Variants in CLPX observed in about 807,000 individuals in gnomAD.
CLPX encodes ATP-dependent clpX-like chaperone, mitochondrial.
A neutral mutation model predicts 76.4 loss-of-function variants in CLPX; 34 were observed. That is an observed-to-expected ratio of 0.45 (90% CI 0.34 to 0.59). The LOEUF is 0.59. CLPX is among the 20% of genes least tolerant of loss of function. CLPX has a pLI of 0.01. For missense variants in CLPX, 613 were observed against 757.0 expected (o/e 0.81, Z 2.23); for synonymous variants, 248 against 270.9 (o/e 0.92, Z 0.83).
At chr15:65,160,102 C>T (rs1595938677) in intron 6 of CLPX, among the ~76,000 whole-genome samples, 1 of 152,150 alleles carries the variant, frequency 6.6e-6, no homozygotes, top group African/African-American at 2.4e-5. Context: ...CATGAGACAC[C>T]GCGCCTGGCC....
intron 2 of CLPX, among the ~76,000 whole-genome samples, 187 bp from the exon 3 acceptor site, chr15:65,179,238 G>T (rs1030977935): frequency 6.6e-6 from 1 of 152,084 alleles, no homozygotes; most frequent in Non-Finnish European, 1.5e-5. Context: ...AATCAAATCA[G>T]TTCTAGTAAA....
At chr15:65,166,507 C>A in intron 4 of CLPX, 124 bp downstream of exon 4, 1 of 1,010,034 alleles carries the variant, frequency 9.9e-7, no homozygotes, top group Admixed American at 2.4e-5. Flanking sequence ...ACATATGGTC[C>A]ATATTATGAA....
chr15:65,154,684 A>G, intron 11 of CLPX, 98 bp downstream of exon 11: 1 of 857,948 alleles, frequency 1.2e-6, no homozygotes, highest in African/African-American at 1.7e-5. Flanking sequence ...CTGGTATTCT[A>G]GATGAGCAGA....
At chr15:65,162,261 C>CA (rs939902581) in intron 6 of CLPX, among the ~76,000 whole-genome samples, 42 of 151,538 alleles carry the variant, frequency 2.8e-4, no homozygotes, top group South Asian at 8.3e-4. Context: ...TTCATAAATA[C>CA]AAAAAAAACC....
intron 7 of CLPX, chr15:65,158,292 G>A (rs766067425): frequency 8.3e-5 from 28 of 337,428 alleles, no homozygotes; most frequent in Middle Eastern, 8.2e-4. Flanking sequence ...AAAATGCTGG[G>A]ATTACAGGTG....
chr15:65,161,309 G>A (rs1345675719), intron 6 of CLPX, among the ~76,000 whole-genome samples: 1 of 152,118 alleles, frequency 6.6e-6, no homozygotes, highest in Admixed American at 6.6e-5. Context: ...TCTAAAATTT[G>A]ACTTCCAAAG....
At chr15:65,179,862 G>T (rs988918702) in intron 2 of CLPX, among the ~76,000 whole-genome samples, 182 bp downstream of exon 2, 1 of 152,150 alleles carries the variant, frequency 6.6e-6, no homozygotes, top group Non-Finnish European at 1.5e-5. Flanking sequence ...TATGTGCAAT[G>T]CTTATAAAAG....
intron 12 of CLPX, among the ~76,000 whole-genome samples, chr15:65,152,894 G>C (rs1252906753): frequency 6.6e-6 from 1 of 150,786 alleles, no homozygotes; most frequent in Non-Finnish European, 1.5e-5. Context: ...ACCATGCCCA[G>C]CCTCTTTTTT....
Position 65,149,583 on chromosome 15 carries a change from CG to C in CLPX, c.*1239del, listed in dbSNP as rs1448179849. On this transcript the variant is annotated 3_prime_UTR_variant, in exon 14 of 14. Transcript: ENST00000300107. Reference sequence around the variant, plus strand: ...ATGGATTAAAGATGGTAAATAAGGCCGGGTGTGGTGGCTTACGCCTGCAATC... The same window carrying C: ...ATGGATTAAAGATGGTAAATAAGGCCGGTGTGGTGGCTTACGCCTGCAATC... The C allele has an allele frequency of 2.2e-6, 1 of 453,138 alleles. No individual in the cohort carries two copies. The highest frequency in any genetic ancestry group is 2.0e-5 in the African/African-American group (1 of 49,820). 28.1% of individuals were successfully genotyped at this position (453,138 alleles called of 1,614,324 possible).
intron 13 of CLPX, among the ~76,000 whole-genome samples, chr15:65,152,162 T>A (rs2087729245): frequency 6.6e-6 from 1 of 152,130 alleles, no homozygotes; most frequent in South Asian, 2.1e-4. Flanking sequence ...TCTCTTGACC[T>A]CGTGATCCGC....
At chr15:65,161,981 A>G (rs2087861260) in intron 6 of CLPX, among the ~76,000 whole-genome samples, 1 of 152,178 alleles carries the variant, frequency 6.6e-6, no homozygotes. Flanking sequence ...CAAATGTAAA[A>G]ACATCAAACT....
At chr15:65,171,433 C>A (rs1198180500) in intron 3 of CLPX, among the ~76,000 whole-genome samples, 1 of 149,224 alleles carries the variant, frequency 6.7e-6, no homozygotes, top group Non-Finnish European at 1.5e-5. Flanking sequence ...GGCAATAGAG[C>A]GAGACTCAGT....
chr15:65,178,137 C>G (rs2088113855), intron 3 of CLPX, among the ~76,000 whole-genome samples: 2 of 152,140 alleles, frequency 1.3e-5, no homozygotes, highest in African/African-American at 4.8e-5. Context: ...TAATAATTAT[C>G]AGATGCTTCC....
intron 3 of CLPX, among the ~76,000 whole-genome samples, chr15:65,173,705 A>G (rs2088045723): frequency 6.6e-6 from 1 of 152,252 alleles, no homozygotes; most frequent in Non-Finnish European, 1.5e-5. Context: ...ATAAAAAGCA[A>G]TGAAATACTG....
rs1204212863 is a variant in CLPX at position 65,169,758 on chromosome 15, C to CTT, written c.359-2975_359-2974dup. Among the ~76,000 whole-genome samples, 253 of 143,088 alleles carry CTT rather than the reference C, an allele frequency of 1.8e-3. 2 individuals carry two copies. The highest frequency in any genetic ancestry group is 5.6e-3 in the African/African-American group (221 of 39,224). The allele number at this position is 143,088 out of a possible 152,430, so 93.9% of individuals were successfully genotyped here. ...GGATGTAGATATATGGATATATTTACTTTTTTTTTTTTTTGAGACAGAGTT... is the reference window on the plus strand; with the variant it reads ...GGATGTAGATATATGGATATATTTACTTTTTTTTTTTTTTTTGAGACAGAGTT... On this transcript the variant is annotated intron_variant, in intron 3 of 13. Coordinates refer to ENST00000300107, the MANE Select transcript of CLPX (RefSeq NM_006660.5).
intron 1 of CLPX, among the ~76,000 whole-genome samples, chr15:65,183,865 G>C (rs924726662): frequency 1.5e-4 from 23 of 152,136 alleles, no homozygotes; most frequent in African/African-American, 2.9e-4. Context: ...GTGGACCCTT[G>C]ACAAATATTA....
Position 65,162,793 on chromosome 15 carries a change from A to G in CLPX, c.674-148T>C, listed in dbSNP as rs571896452. The stretch of plus-strand genomic sequence containing the variant: ...TTCATATATGCTATATCTTTTCTAT[A>G]TTAAAACAAAACCATGCATAAAGAC... On this transcript the variant is annotated intron_variant, in intron 5 of 13. Coordinates refer to ENST00000300107, the MANE Select transcript of CLPX (RefSeq NM_006660.5). 193 of 547,538 alleles carry G rather than the reference A, an allele frequency of 3.5e-4. 2 individuals are homozygous for G. The highest frequency in any genetic ancestry group is 6.5e-5 in the Non-Finnish European group (20 of 310,048). 33.9% of individuals were successfully genotyped at this position (547,538 alleles called of 1,614,324 possible).
At chr15:65,182,118 CAAAA>C (rs540972406) in intron 1 of CLPX, among the ~76,000 whole-genome samples, 3 of 69,206 alleles carry the variant, frequency 4.3e-5, no homozygotes, top group Non-Finnish European at 3.1e-5. Flanking sequence ...GTCTCCGTCT[CAAAA>C]AAAAAAAAAA....
At chr15:65,153,469 A>G in intron 12 of CLPX, 78 bp downstream of exon 12, 1 of 917,464 alleles carries the variant, frequency 1.1e-6, no homozygotes, top group Non-Finnish European at 1.7e-6. Context: ...ATATTTTCCA[A>G]AAGAAAAACA....
Sources: gnomAD v4.1 joint callset for allele counts (sites outside exome capture counted in the v4.1 genomes callset) on GRCh38, gnomAD v4.1.1 for gene constraint, MANE v1.5 for transcripts, NCBI Gene and HGNC (gene_info 2026-07-23, HGNC 2026-07-21) for gene names.